PHF14: variants seen among roughly 807,000 people sequenced by gnomAD.
PHF14 encodes PHD finger protein 14.
In PHF14, 55 loss-of-function variants were observed where a neutral mutation model predicts 117.9. That is an observed-to-expected ratio of 0.47 (90% CI 0.38 to 0.58). The LOEUF (loss-of-function observed/expected upper bound fraction) is 0.58. Among genes scored for constraint, PHF14 ranks in the 20% least tolerant of loss-of-function variants. The pLI is 0.00. For synonymous variants in PHF14, 409 were observed against 368.6 expected (o/e 1.11, Z -1.26); for missense variants, 978 against 1,122.2 (o/e 0.87, Z 1.84).
At chr7:11,091,684 G>A (rs1786646949) in intron 16 of PHF14, among the ~76,000 whole-genome samples, 1 of 152,128 alleles carries the variant, frequency 6.6e-6, no homozygotes, top group African/African-American at 2.4e-5. Flanking sequence ...CCTGAACCCG[G>A]GAGGCAGAGG....
intron 14 of PHF14, among the ~76,000 whole-genome samples, chr7:11,058,708 T>C (rs1562444417): frequency 6.6e-6 from 1 of 152,206 alleles, no homozygotes; most frequent in Non-Finnish European, 1.5e-5. Context: ...AGTTTAAGTA[T>C]TTACGTGCAA....
chr7:11,049,119 T>C (rs185908837), intron 13 of PHF14, among the ~76,000 whole-genome samples: 1 of 152,296 alleles, frequency 6.6e-6, no homozygotes, highest in East Asian at 1.9e-4. Context: ...CTTCTATACC[T>C]AGGGGATTTA....
chr7:11,059,376 T>C (rs1284300260), intron 14 of PHF14, among the ~76,000 whole-genome samples: 2 of 152,140 alleles, frequency 1.3e-5, no homozygotes, highest in Admixed American at 6.5e-5. Flanking sequence ...AATGTGAAAA[T>C]GTATGGAAGT....
At chr7:11,041,438 G>A (rs1374769133) in intron 12 of PHF14, among the ~76,000 whole-genome samples, 2 of 151,808 alleles carry the variant, frequency 1.3e-5, no homozygotes, top group Admixed American at 1.3e-4. Flanking sequence ...GTGTGTGTGT[G>A]TGTGTATGTA....
At chr7:10,977,023 T>C (rs553250466) in intron 2 of PHF14, among the ~76,000 whole-genome samples, 24 of 151,834 alleles carry the variant, frequency 1.6e-4, no homozygotes, top group Non-Finnish European at 2.9e-4. Flanking sequence ...TTTTTGACTC[T>C]TGTTTTAGGT....
At chr7:11,089,236 T>G (rs910278214) in intron 16 of PHF14, among the ~76,000 whole-genome samples, 4 of 152,204 alleles carry the variant, frequency 2.6e-5, no homozygotes, top group Non-Finnish European at 5.9e-5. Context: ...AAAACAACAT[T>G]AAAGTTATCA....
intron 12 of PHF14, among the ~76,000 whole-genome samples, chr7:11,041,870 T>A (rs528838880): frequency 0.019 from 2,960 of 152,002 alleles, 39 homozygotes; most frequent in Middle Eastern, 0.044. Context: ...AGTGTGTGTG[T>A]GTGTGTGTGA....
chr7:11,121,988 T>C (rs945691770), intron 17 of PHF14, among the ~76,000 whole-genome samples: 2 of 151,696 alleles, frequency 1.3e-5, no homozygotes, highest in African/African-American at 4.9e-5. Flanking sequence ...CATTAGGTAT[T>C]TGTCCTAATG....
intron 7 of PHF14, among the ~76,000 whole-genome samples, chr7:11,035,047 C>A (rs1287699035): frequency 6.6e-6 from 1 of 150,894 alleles, no homozygotes; most frequent in Non-Finnish European, 1.5e-5. Flanking sequence ...AAAATACAGC[C>A]GGCCCTCCGT....
In PHF14 at chr7:11,104,762, C is replaced by G. The variant is rs1040833698; in HGVS notation, c.2655-6588C>G. 15 of 612,534 alleles carry G rather than the reference C, an allele frequency of 2.4e-5. No homozygotes were observed. The Admixed American group carries it at 3.2e-4, about 13-fold the overall frequency. The allele number at this position is 612,534 out of a possible 1,614,324, so 37.9% of individuals were successfully genotyped here. A position where few individuals can be genotyped will look rare whatever the true frequency, so the allele number is the denominator to read the frequency against. Reference sequence around the variant, plus strand: ...CCCTCTGCCCACTTTACTCCCTCCCCCTTCACCCTGGAGTTTCTGATTTAG... The same window carrying G: ...CCCTCTGCCCACTTTACTCCCTCCCGCTTCACCCTGGAGTTTCTGATTTAG... On this transcript the variant is annotated intron_variant, in intron 16 of 17. Coordinates refer to ENST00000634607, the MANE Select transcript of PHF14 (RefSeq NM_001007157.2).
intron 16 of PHF14, chr7:11,105,523 T>A: frequency 1.0e-6 from 1 of 979,808 alleles, no homozygotes; most frequent in Non-Finnish European, 1.2e-6. Context: ...TTTACATCAT[T>A]AAATTTTTAA....
chr7:10,990,772 G>C lies in PHF14; in HGVS notation c.970G>C (p.Val324Leu). 6.3e-7 allele frequency: 1 copy of C among 1,582,294 alleles called. No individual in the cohort carries two copies. Among genetic ancestry groups the C allele is most frequent in the Non-Finnish European group, 8.6e-7 (1 of 1,161,308 alleles). ...AATGGACCATATTCTGATTTGCTGT[G>C]TTTGTCTGGGAGATAATAGTGAGGA... is the stretch of plus-strand genomic sequence containing the variant. ...QKMDHILICC[V>L]CLGDNSEDAD... The change falls in exon 4 of 18, where the codon GTT becomes CTT. Residue 324 changes from valine (V) to leucine (L), a missense_variant. By Grantham distance (32) the Val-to-Leu change is conservative. This residue lies in a region of PHF14 where 414 missense variants were observed against 376.4 expected (regional missense o/e 1.10). Coordinates refer to ENST00000634607, the MANE Select transcript of PHF14 (RefSeq NM_001007157.2).
intron 17 of PHF14, among the ~76,000 whole-genome samples, chr7:11,122,352 T>TATATATATATATATATATACACACAC: frequency 3.7e-3 from 243 of 65,610 alleles, no homozygotes; most frequent in Non-Finnish European, 5.1e-3. Context: ...TATATATATA[T>TATATATATATATATATATACACACAC]ACACACACAC....
At chr7:11,161,027 T>C (rs1466863876) in intron 17 of PHF14, among the ~76,000 whole-genome samples, 2 of 152,204 alleles carry the variant, frequency 1.3e-5, no homozygotes, top group Non-Finnish European at 2.9e-5. Context: ...GGTTTTGCTC[T>C]AAGATTCTTA....
chr7:11,040,079 A>G (rs899829438), intron 11 of PHF14, among the ~76,000 whole-genome samples: 4 of 152,150 alleles, frequency 2.6e-5, no homozygotes, highest in Admixed American at 6.5e-5. Flanking sequence ...CAAATGTAAA[A>G]TACACAGCAG....
At chr7:11,019,238 A>G (rs983962281) in intron 5 of PHF14, among the ~76,000 whole-genome samples, 2 of 152,252 alleles carry the variant, frequency 1.3e-5, no homozygotes, top group East Asian at 1.9e-4. Context: ...TCAGAGTAAC[A>G]CTGGCCTCAT....
In PHF14 at chr7:10,988,085, T is replaced by TAAC. The variant is rs1782291153; in HGVS notation, c.901-2618_901-2617insAAC. Among the ~76,000 whole-genome samples, 3 of 151,694 alleles carry TAAC rather than the reference T, an allele frequency of 2.0e-5. No individual in the cohort carries two copies. The South Asian group carries it at 6.2e-4, about 32-fold the overall frequency. ...CCTAATTTTTTTTAAGGAGGATGTG[T>TAAC]TACTTAGATTTTCCAGTTGAAACAT... On this transcript the variant is annotated intron_variant, in intron 3 of 17. Transcript: ENST00000634607.
intron 5 of PHF14, among the ~76,000 whole-genome samples, chr7:11,019,394 C>G (rs1783647123): frequency 6.6e-6 from 1 of 152,082 alleles, no homozygotes; most frequent in Non-Finnish European, 1.5e-5. Context: ...TACCGGGAGA[C>G]TTTATTATGG....
chr7:11,161,506 G>A (rs1341598167), intron 17 of PHF14, among the ~76,000 whole-genome samples: 1 of 151,642 alleles, frequency 6.6e-6, no homozygotes, highest in Admixed American at 6.6e-5. Context: ...ATTTTAATGG[G>A]CCAATCACTG....
Sources: gnomAD v4.1 joint callset for allele counts (sites outside exome capture counted in the v4.1 genomes callset) on GRCh38, gnomAD v4.1.1 for gene constraint, gnomAD v4.1.1 regional missense constraint, MANE v1.5 for transcripts, NCBI Gene and HGNC (gene_info 2026-07-23, HGNC 2026-07-21) for gene names.